Variants in ST18 observed in about 807,000 individuals in gnomAD.
ST18 encodes ST18 C2H2C-type zinc finger transcription factor.
Under a neutral mutation model 110.0 loss-of-function variants are expected in ST18, and 50 were observed. The observed-to-expected ratio is 0.45, with a 90% CI of 0.36 to 0.58. The LOEUF is 0.58. Among genes scored for constraint, ST18 ranks in the 20% least tolerant of loss-of-function variants. ST18 has a pLI of 0.00. For missense variants in ST18, 1,306 were observed against 1,280.1 expected (o/e 1.02, Z -0.31); for synonymous variants, 461 against 452.4 (o/e 1.02, Z -0.24).
chr8:52,230,369 C>T (rs562422239), intron 2 of ST18, among the ~76,000 whole-genome samples: 4 of 151,030 alleles, frequency 2.6e-5, no homozygotes, highest in African/African-American at 9.7e-5. Context: ...TCTAGGGACA[C>T]ACCTGAGAGT....
At chr8:52,365,162 T>C (rs1180793939) in intron 2 of ST18, among the ~76,000 whole-genome samples, 1 of 151,960 alleles carries the variant, frequency 6.6e-6, no homozygotes, top group African/African-American at 2.4e-5. Flanking sequence ...TTCACATACA[T>C]GCACAAAAAC....
At chr8:52,353,742 A>G (rs762852077) in intron 2 of ST18, among the ~76,000 whole-genome samples, 1 of 152,342 alleles carries the variant, frequency 6.6e-6, no homozygotes, top group Non-Finnish European at 1.5e-5. Context: ...ATATAATAAG[A>G]TAATTAGTGT....
intron 16 of ST18, among the ~76,000 whole-genome samples, chr8:52,148,309 G>A (rs1206762486): frequency 2.6e-5 from 4 of 152,162 alleles, no homozygotes; most frequent in Admixed American, 2.6e-4. Flanking sequence ...AAATGACTAA[G>A]GCCAGTATGA....
chr8:52,343,527 C>T (rs1030302281), intron 2 of ST18, among the ~76,000 whole-genome samples: 6 of 152,270 alleles, frequency 3.9e-5, no homozygotes, highest in African/African-American at 1.2e-4. Flanking sequence ...ATTAGTCCTC[C>T]GAGCAAAGTC....
chr8:52,182,691 A>T (rs1170131658), intron 8 of ST18, among the ~76,000 whole-genome samples: 2 of 152,266 alleles, frequency 1.3e-5, no homozygotes, highest in East Asian at 3.9e-4. Flanking sequence ...GTCAAGCAAG[A>T]TGAATTAGCT....
At chr8:52,210,158 A>T in intron 8 of ST18, 1 of 456,120 alleles carries the variant, frequency 2.2e-6, no homozygotes. Context: ...GACTGCAAAC[A>T]TGTCCCCCAC....
rs569923820 is a variant in ST18, at chr8:52,310,413, G to A, written c.-464-80336C>T. On this transcript the variant is annotated intron_variant, in intron 2 of 25. Transcript: ENST00000689386. Reference sequence around the variant, plus strand: ...TTTTATTCCTTTATTCCCCTTAATTGAAGGTTGCTCAATATTTCCACTATA... The same window carrying A: ...TTTTATTCCTTTATTCCCCTTAATTAAAGGTTGCTCAATATTTCCACTATA... Among the ~76,000 whole-genome samples the A allele has an allele frequency of 1.8e-3, 272 of 152,190 alleles. 2 individuals are homozygous for A. The highest frequency in any genetic ancestry group is 6.3e-3 in the African/African-American group (261 of 41,500).
At chr8:52,308,117 A>G (rs755898812) in intron 2 of ST18, among the ~76,000 whole-genome samples, 5 of 152,198 alleles carry the variant, frequency 3.3e-5, no homozygotes, top group Non-Finnish European at 7.4e-5. Context: ...AGAATGAATG[A>G]GCATGCATCA....
At position 52,163,985 on chromosome 8, in the gene ST18, C is replaced by G; in HGVS notation, c.1400+1G>C. ...CTGAGAACATCGTTAGGGGTTCATA[C>G]CTGTGGGCCTGGTCAGGACACTGCC... On this transcript the variant is annotated splice_donor_variant, in intron 13 of 25. Coordinates refer to ENST00000689386, the MANE Select transcript of ST18 (RefSeq NM_001352837.2). LOFTEE classifies it high-confidence loss of function. 6.2e-7 allele frequency: 1 copy of G among 1,612,538 alleles called. No homozygotes were observed. Among genetic ancestry groups the G allele is most frequent in the Non-Finnish European group, 8.5e-7 (1 of 1,178,678 alleles).
chr8:52,119,299 G>A lies in ST18; in HGVS notation c.2756-858C>T, dbSNP rs569692519. On this transcript the variant is annotated intron_variant, in intron 23 of 25. Transcript: ENST00000689386. ...AGAAGGAGTATGACTACATTTGAAA[G>A]GTTTCAAGGACCTGGGGAAGGTAGT... 7.9e-5 allele frequency among the ~76,000 whole-genome samples: 12 copies of A among 152,288 alleles called. No individual in the cohort carries two copies. In the South Asian group the frequency reaches 2.5e-3, roughly 32 times the overall value.
At chr8:52,390,746 G>C (rs142404937) in intron 2 of ST18, among the ~76,000 whole-genome samples, 6 of 152,192 alleles carry the variant, frequency 3.9e-5, no homozygotes. Context: ...CACTGGGCCC[G>C]TGCCACAGCG....
At chr8:52,407,586 A>G (rs2141181080) in intron 2 of ST18, 1 of 152,316 alleles carries the variant, frequency 6.6e-6, no homozygotes, top group Non-Finnish European at 1.5e-5. Flanking sequence ...TCTGACAGGG[A>G]AGTAAAATTT....
rs755110266 is a variant in ST18 at position 52,172,012 on chromosome 8, G to A, written c.849C>T (p.Ser283=). 17 of 1,614,032 alleles carry A rather than the reference G, an allele frequency of 1.1e-5. No individual in the cohort carries two copies. The highest frequency in any genetic ancestry group is 1.0e-4 in the Admixed American group (6 of 60,000). ...CTTCCGTCATTACTGCCAGGCTCTCGCTATCTTCCTCCTCAACGTCAGGGA... is the reference window on the plus strand; with the variant it reads ...CTTCCGTCATTACTGCCAGGCTCTCACTATCTTCCTCCTCAACGTCAGGGA... The part of the protein sequence containing the change: ...PSFPDVEEED[S]ESLAVMTEEG... Residue 283 remains serine (S), a synonymous_variant, in exon 10 of 26, where the codon AGC becomes AGT. Coordinates refer to ENST00000689386, the MANE Select transcript of ST18 (RefSeq NM_001352837.2).
intron 21 of ST18, 27 bp downstream of exon 21, chr8:52,133,030 C>T (rs1282069791): frequency 1.2e-6 from 2 of 1,610,082 alleles, no homozygotes; most frequent in African/African-American, 2.7e-5. Context: ...AGACAGCTGA[C>T]CCCCATGTCT....
Position 52,315,150 on chromosome 8 carries a change from T to C in ST18, c.-464-85073A>G, listed in dbSNP as rs139751930. Among the ~76,000 whole-genome samples the C allele has an allele frequency of 1.7e-3, 261 of 152,336 alleles. 3 individuals are homozygous for C. The East Asian group carries it at 0.045, about 26-fold the overall frequency. ...TAAGCTAAAACAATTAAAGTAGTGT[T>C]GATTTAATTATATCCTATTTCCACC... On this transcript the variant is annotated intron_variant, in intron 2 of 25. Coordinates refer to ENST00000689386, the MANE Select transcript of ST18 (RefSeq NM_001352837.2).
chr8:52,242,348 T>C (rs2093485103), intron 2 of ST18, among the ~76,000 whole-genome samples: 1 of 152,246 alleles, frequency 6.6e-6, no homozygotes, highest in South Asian at 2.1e-4. Flanking sequence ...GTTGGGTGGC[T>C]GCACACCCCC....
chr8:52,387,945 G>A (rs1837510984), intron 2 of ST18, among the ~76,000 whole-genome samples: 1 of 152,038 alleles, frequency 6.6e-6, no homozygotes, highest in Admixed American at 6.5e-5. Context: ...GTCACTGCCA[G>A]CACCCTCCCC....
In ST18 at chr8:52,111,771, G is replaced by A. The variant is rs2040600740; in HGVS notation, c.*1427C>T. ...AATGTGTGTGCACACCAAAAAGGCA[G>A]TTTAGCTGGTTGTCTATACCTTTTC... On this transcript the variant is annotated 3_prime_UTR_variant, in exon 26 of 26. Transcript: ENST00000689386. 2 of 152,598 alleles carry A rather than the reference G, an allele frequency of 1.3e-5. No homozygotes were observed. The highest frequency in any genetic ancestry group is 4.8e-5 in the African/African-American group (2 of 41,428). 9.5% of individuals were successfully genotyped at this position (152,598 alleles called of 1,614,324 possible).
In ST18 at chr8:52,172,098, C is replaced by G. The variant is rs764090853; in HGVS notation, c.763G>C (p.Glu255Gln). The G allele has an allele frequency of 3.7e-6, 6 of 1,614,252 alleles. No individual in the cohort carries two copies. The highest frequency in any genetic ancestry group is 5.1e-6 in the Non-Finnish European group (6 of 1,180,048). ...AGAGCATTCTGCGGGTCTTTCCTTT[C>G]TGTTTCAGAATCACACCTGTTCTCA... ...PCENRCDSET[E>Q]RKDPQNALAE... is the part of the protein sequence containing the mutation. The change falls in exon 10 of 26, where the codon GAA (glutamate) becomes CAA (glutamine). Residue 255 changes from glutamate to glutamine, a missense_variant. By Grantham distance (29) the Glu-to-Gln change is conservative. Coordinates refer to ENST00000689386, the MANE Select transcript of ST18 (RefSeq NM_001352837.2).
Sources: allele counts gnomAD v4.1 joint callset (sites outside exome capture counted in the v4.1 genomes callset), GRCh38; gene constraint gnomAD v4.1.1; transcripts MANE v1.5; gene names NCBI Gene and HGNC (gene_info 2026-07-23, HGNC 2026-07-21).